The following CDON variants were observed in gnomAD, a reference collection of about 807,000 sequenced individuals.
CDON encodes the protein cell adhesion molecule-related/down-regulated by oncogenes.
CDON carries 73 observed loss-of-function variants against 120.9 expected under a neutral mutation model. That is an observed-to-expected ratio of 0.60 (90% CI 0.50 to 0.73). The LOEUF is 0.73. Among genes scored for constraint, CDON ranks in the 30% least tolerant of loss-of-function variants. CDON has a pLI of 0.00. For missense variants in CDON, 1,470 were observed against 1,587.3 expected (o/e 0.93, Z 1.26); for synonymous variants, 566 against 573.5 (o/e 0.99, Z 0.19).
rs1945659485 is a variant in CDON, at chr11:125,961,992, G to C, written c.3363C>G (p.Phe1121Leu). The stretch of plus-strand genomic sequence containing the variant: ...TGCTGAAAGTGCTGTTGGTTTTGGT[G>C]AAACACCTGCAGAGGTTAAACCAAA... ...CRNCRNNNRC[F>L]TKTNSTFSSS... Residue 1121 changes from phenylalanine (F) to leucine (L), a missense_variant, in exon 19 of 20, where the codon TTC becomes TTG. By Grantham distance (22) the Phe-to-Leu change is conservative (BLOSUM62 0). Transcript: ENST00000531738. 6.2e-7 allele frequency: 1 copy of C among 1,613,852 alleles called. No individual in the cohort carries two copies. The highest frequency in any genetic ancestry group is 8.5e-7 in the Non-Finnish European group (1 of 1,179,750).
chr11:125,971,166 G>A (rs548575781), intron 18 of CDON, among the ~76,000 whole-genome samples: 53 of 152,048 alleles, frequency 3.5e-4, no homozygotes, highest in Non-Finnish European at 5.7e-4. Context: ...GGCGGATCAC[G>A]AGGTCAGGAG....
At chr11:126,048,269 T>G (rs945168014) in intron 1 of CDON, among the ~76,000 whole-genome samples, 2 of 139,646 alleles carry the variant, frequency 1.4e-5, no homozygotes, top group African/African-American at 2.8e-5. Flanking sequence ...TGCAACAGAG[T>G]GAGACTCTGT....
intron 1 of CDON, among the ~76,000 whole-genome samples, chr11:126,045,575 G>C (rs1948386745): frequency 6.6e-6 from 1 of 152,038 alleles, no homozygotes. Flanking sequence ...AGTTTTATAA[G>C]ATGTTTCCAT....
intron 7 of CDON, 51 bp downstream of exon 7, chr11:126,015,190 G>A (rs765499425): frequency 4.4e-5 from 68 of 1,530,150 alleles, no homozygotes; most frequent in Non-Finnish European, 6.0e-5. Flanking sequence ...CACAACAAAA[G>A]CCCATCTGTA....
At chr11:126,003,159 GTCTC>G (rs1158171820) in intron 10 of CDON, among the ~76,000 whole-genome samples, 1 of 152,086 alleles carries the variant, frequency 6.6e-6, no homozygotes. Flanking sequence ...TTACGTGTAA[GTCTC>G]TCTCAACTAG....
chr11:126,037,011 ACAT>A (rs1288568594), intron 1 of CDON, among the ~76,000 whole-genome samples: 2 of 152,132 alleles, frequency 1.3e-5, no homozygotes, highest in African/African-American at 4.8e-5. Context: ...TCTTTATATA[ACAT>A]CATATAACTA....
In CDON at chr11:126,034,129, T is replaced by TAA. The variant is rs534374033; in HGVS notation, c.-61-10594_-61-10593dup. ...GATCGTGCAATCATTCAGATCAACT[T>TAA]AAAAAAAAAAAAGTTCACACCTACA... On this transcript the variant is annotated intron_variant, in intron 1 of 19. Transcript: ENST00000531738. This position sits in a 1 kb window ranked among gnomAD's most constrained non-coding sequence, Gnocchi z 4.5. Among the ~76,000 whole-genome samples, 46 of 144,420 alleles carry TAA rather than the reference T, an allele frequency of 3.2e-4. 1 individual carries two copies. Among genetic ancestry groups the TAA allele is most frequent in the African/African-American group, 1.1e-3 (45 of 39,410 alleles). The allele number at this position is 144,420 out of a possible 152,430, so 94.7% of individuals were successfully genotyped here.
intron 8 of CDON, among the ~76,000 whole-genome samples, chr11:126,006,978 G>T (rs1947146611): frequency 6.6e-6 from 1 of 151,970 alleles, no homozygotes; most frequent in Non-Finnish European, 1.5e-5. Context: ...AAGGCTGCCA[G>T]AAGAATGTTC....
intron 18 of CDON, among the ~76,000 whole-genome samples, chr11:125,976,109 A>G (rs892648119): frequency 6.6e-6 from 1 of 152,264 alleles, no homozygotes; most frequent in Non-Finnish European, 1.5e-5. Flanking sequence ...ACCACGTATC[A>G]TCTACCTTTC....
chr11:126,060,849 A>G (rs917729757), intron 1 of CDON, among the ~76,000 whole-genome samples: 17 of 152,254 alleles, frequency 1.1e-4, no homozygotes, highest in Non-Finnish European at 2.1e-4. Flanking sequence ...CCACCTGCAA[A>G]GAAAGCAAGG....
chr11:126,022,101 C>CA (rs56788784), intron 2 of CDON, among the ~76,000 whole-genome samples: 1,001 of 56,004 alleles, frequency 0.018, 11 homozygotes, highest in East Asian at 0.053. Context: ...GACCCTGCTT[C>CA]AAAAAAAAAA....
chr11:125,990,797 T>C (rs533831629), intron 14 of CDON, among the ~76,000 whole-genome samples: 1 of 152,256 alleles, frequency 6.6e-6, no homozygotes, highest in East Asian at 1.9e-4. Context: ...AGGTCAACAG[T>C]ACAAAACCCT....
In CDON at chr11:125,989,742, T is replaced by C. The variant is rs937603325; in HGVS notation, c.2668A>G (p.Met890Val). 2.5e-6 allele frequency: 4 copies of C among 1,613,214 alleles called. No individual in the cohort carries two copies. Among genetic ancestry groups the C allele is most frequent in the East Asian group, 4.5e-5 (2 of 44,842 alleles). The change falls in exon 15 of 20, where the codon ATG becomes GTG. Residue 890 changes from methionine (M) to valine (V), a missense_variant. Met to Val is a conservative substitution (Grantham distance 21). Coordinates refer to ENST00000531738, the MANE Select transcript of CDON (RefSeq NM_001378964.1). The part of the protein sequence containing the change: ...DVVEGSKQWH[M>V]IGHLQPETSY... ...GTTTCTGGCTGCAGGTGGCCAATCA[T>C]GTGCCACTGCTTTGAACCTAAAAGG...
At chr11:126,027,040 G>A (rs1224612682) in intron 1 of CDON, among the ~76,000 whole-genome samples, 1 of 152,106 alleles carries the variant, frequency 6.6e-6, no homozygotes, top group African/African-American at 2.4e-5. Context: ...TTATCACACA[G>A]GAATCTTCTT....
Position 125,981,067 on chromosome 11 carries a change from A to G in CDON, c.3258T>C (p.His1086=). The change falls in exon 17 of 20, where the codon CAT becomes CAC. Residue 1086 remains histidine (H), a synonymous_variant. Transcript: ENST00000531738. ...SLTRTHVDFE[H]PHHLVNGGGM... ...CTCTTACATTCACTAGATGATGAGG[A>G]TGTTCAAAATCCACGTGTGTCCTGG... is the stretch of plus-strand genomic sequence containing the variant. 6.2e-7 allele frequency: 1 copy of G among 1,614,174 alleles called. No homozygotes were observed. Among genetic ancestry groups the G allele is most frequent in the South Asian group, 1.1e-5 (1 of 91,078 alleles).
At chr11:126,009,384 G>A (rs1947226589) in intron 8 of CDON, among the ~76,000 whole-genome samples, 4 of 152,208 alleles carry the variant, frequency 2.6e-5, no homozygotes, top group Admixed American at 2.6e-4. Flanking sequence ...CTGGTCGTGT[G>A]GTCCAGACTG....
At chr11:125,961,686 A>G (rs1349764889) in intron 19 of CDON, 38 bp downstream of exon 19, 1 of 1,613,796 alleles carries the variant, frequency 6.2e-7, no homozygotes. Context: ...CTAACTGAAG[A>G]TGATCTGGAA....
chr11:125,988,986 A>C (rs1946548141), intron 15 of CDON, among the ~76,000 whole-genome samples: 1 of 152,160 alleles, frequency 6.6e-6, no homozygotes, highest in Non-Finnish European at 1.5e-5. Flanking sequence ...TGTAAAGAAA[A>C]ACGGAAGGGT....
Position 125,961,074 on chromosome 11 carries a change from G to GT in CDON, c.3662_3663insA (p.Asn1222GlnfsTer19), listed in dbSNP as rs1945630155. On this transcript the variant is annotated frameshift_variant, in exon 20 of 20. Coordinates refer to ENST00000531738, the MANE Select transcript of CDON (RefSeq NM_001378964.1). LOFTEE classifies it high-confidence loss of function. ...TAAGAGCATTCCAACTTACAATGTT[G>GT]ATCTCTGTTTCTGAATGGGCACAGC... 6.2e-7 allele frequency: 1 copy of GT among 1,613,778 alleles called. No homozygotes were observed. Among genetic ancestry groups the GT allele is most frequent in the Non-Finnish European group, 8.5e-7 (1 of 1,179,944 alleles).
Sources: allele counts gnomAD v4.1 joint callset (sites outside exome capture counted in the v4.1 genomes callset), GRCh38; gene constraint gnomAD v4.1.1; non-coding constraint Gnocchi (gnomAD v3.1); transcripts MANE v1.5; gene names NCBI Gene and HGNC (gene_info 2026-07-23, HGNC 2026-07-21).